The following USP28 variants were observed in gnomAD, a reference collection of about 807,000 sequenced individuals.
USP28 encodes ubiquitin specific peptidase 28.
Under a neutral mutation model 145.0 loss-of-function variants are expected in USP28, and 113 were observed. The observed-to-expected ratio is 0.78, with a 90% CI of 0.67 to 0.91. The LOEUF is 0.91. USP28 is among the 40% of genes least tolerant of loss of function. The pLI is 0.00. For missense variants in USP28, 1,201 were observed against 1,289.6 expected, an observed-to-expected ratio of 0.93 and a Z score of 1.05; for synonymous variants, 447 against 450.9, an observed-to-expected ratio of 0.99 and a Z score of 0.11.
intron 2 of USP28, among the ~76,000 whole-genome samples, chr11:113,853,892 A>AAT (rs397805789): frequency 6.7e-6 from 1 of 149,018 alleles, no homozygotes; most frequent in African/African-American, 2.5e-5. Flanking sequence ...AAAAAAAAAA[A>AAT]GTATATATAT....
chr11:113,799,587 C>A (rs1178027747), intron 24 of USP28, among the ~76,000 whole-genome samples, 172 bp from the exon 26 acceptor site: 1 of 152,064 alleles, frequency 6.6e-6, no homozygotes, highest in East Asian at 1.9e-4. Flanking sequence ...GCAAATAAAC[C>A]AAACTTTAGC....
intron 12 of USP28, among the ~76,000 whole-genome samples, chr11:113,819,739 G>A (rs867727546): frequency 2.6e-5 from 4 of 152,206 alleles, no homozygotes; most frequent in Middle Eastern, 6.8e-3. Context: ...TTATTTATGA[G>A]ACAGAGTTTT....
At chr11:113,850,537 T>A (rs1946342048) in intron 3 of USP28, among the ~76,000 whole-genome samples, 1 of 152,126 alleles carries the variant, frequency 6.6e-6, no homozygotes, top group Admixed American at 6.6e-5. Context: ...AGCAGCATCA[T>A]CCAGAATAGC....
chr11:113,817,607 A>G, intron 13 of USP28, 51 bp downstream of exon 13: 1 of 1,585,326 alleles, frequency 6.3e-7, no homozygotes. Flanking sequence ...CATAGTTTAA[A>G]TTATACCAGA....
At chr11:113,807,642 T>A (rs1240370526) in intron 18 of USP28, among the ~76,000 whole-genome samples, 2 of 152,156 alleles carry the variant, frequency 1.3e-5, no homozygotes, top group African/African-American at 4.8e-5. Context: ...TATTTTAAAT[T>A]AGAAGGCAAT....
intron 1 of USP28, among the ~76,000 whole-genome samples, chr11:113,859,723 A>G (rs2136747893): frequency 6.6e-6 from 1 of 152,290 alleles, no homozygotes; most frequent in Admixed American, 6.5e-5. Context: ...ACTTCACTCT[A>G]CCTTGCTATA....
intron 11 of USP28, among the ~76,000 whole-genome samples, chr11:113,825,609 G>T (rs1943195981): frequency 6.6e-6 from 1 of 152,046 alleles, no homozygotes; most frequent in African/African-American, 2.4e-5. Flanking sequence ...ATGGTGAATG[G>T]CAAAAAATCA....
intron 11 of USP28, among the ~76,000 whole-genome samples, chr11:113,826,860 G>A (rs1039701391): frequency 3.3e-5 from 5 of 151,150 alleles, no homozygotes; most frequent in Non-Finnish European, 4.4e-5. Flanking sequence ...CAGATGTTTC[G>A]GTGAGCCGAG....
At chr11:113,806,786 T>G (rs1940054255) in intron 18 of USP28, among the ~76,000 whole-genome samples, 3 of 152,204 alleles carry the variant, frequency 2.0e-5, no homozygotes, top group Non-Finnish European at 2.9e-5. Flanking sequence ...GTCAACACCC[T>G]GCCCAAGACA....
chr11:113,804,197 T>A (rs1296858369), intron 21 of USP28, among the ~76,000 whole-genome samples: 1 of 152,236 alleles, frequency 6.6e-6, no homozygotes, highest in Non-Finnish European at 1.5e-5. Flanking sequence ...TCTTTAGGAC[T>A]GGTAAAACCA....
At chr11:113,860,732 T>C (rs1591468999) in intron 1 of USP28, among the ~76,000 whole-genome samples, 1 of 144,078 alleles carries the variant, frequency 6.9e-6, no homozygotes. Context: ...GGCAGAGGAA[T>C]TGCTTGAACC....
rs2513568 is a variant in USP28, at chr11:113,824,485, T to C, written c.1188-785A>G. Reference sequence around the variant, plus strand: ...GGTGCCCATCACCAAGTCTGATTAATTTTTGTATTTTTTAGTAGAGATGGG... The same window carrying C: ...GGTGCCCATCACCAAGTCTGATTAACTTTTGTATTTTTTAGTAGAGATGGG... On this transcript the variant is annotated intron_variant, in intron 11 of 24. Coordinates refer to ENST00000003302, the Ensembl canonical transcript of USP28. Among the ~76,000 whole-genome samples, 365 of 151,896 alleles carry C rather than the reference T, an allele frequency of 2.4e-3. 5 individuals are homozygous for C. Among genetic ancestry groups the C allele is most frequent in the Non-Finnish European group, 3.1e-3 (214 of 67,944 alleles).
At chr11:113,874,845 T>C (rs907351370) in intron 1 of USP28, 1 of 1,014,976 alleles carries the variant, frequency 9.9e-7, no homozygotes, top group Non-Finnish European at 1.2e-6. Context: ...GTAGACTTTC[T>C]ATTCATCACG....
chr11:113,801,452 A>G, intron 24 of USP28, 31 bp downstream of exon 25: 1 of 1,485,090 alleles, frequency 6.7e-7, no homozygotes, highest in Non-Finnish European at 9.1e-7. Flanking sequence ...AATTCTCAAA[A>G]CCTCAGAATA....
chr11:113,862,277 G>GC (rs2136868836), intron 1 of USP28, among the ~76,000 whole-genome samples: 1 of 152,326 alleles, frequency 6.6e-6, no homozygotes, highest in South Asian at 2.1e-4. Context: ...AACCCAGGAG[G>GC]CGGAGGTTGC....
Position 113,854,350 on chromosome 11 carries a change from CA to C in USP28, c.58-16del. 3 of 1,605,834 alleles carry C rather than the reference CA, an allele frequency of 1.9e-6. No individual in the cohort carries two copies. Among genetic ancestry groups the C allele is most frequent in the South Asian group, 1.1e-5 (1 of 90,114 alleles). On this transcript the variant is annotated splice_polypyrimidine_tract_variant and intron_variant, in intron 1 of 24. Coordinates refer to ENST00000003302, the Ensembl canonical transcript of USP28. ...ATTTGGCAGCTCTATATTTGCAAAA[CA>C]AAAAAACCACAAACATGTCAGTCAG...
exon 9 of USP28, chr11:113,830,915 T>C (rs775753178): frequency 8.1e-6 from 13 of 1,613,948 alleles, no homozygotes; most frequent in Admixed American, 3.3e-5. Context: ...AGCTGCACCA[T>C]TGGATTTTCA....
At chr11:113,801,572 A>T in exon 24 of USP28, 1 of 1,610,826 alleles carries the variant, frequency 6.2e-7, no homozygotes, top group Non-Finnish European at 8.5e-7. Context: ...ATTATTAATG[A>T]TAAGGTGAAT....
rs1938686872 is a variant in USP28, at chr11:113,800,088, C to A, written c.3059-673G>T. On this transcript the variant is annotated intron_variant, in intron 24 of 24. Coordinates refer to ENST00000003302, the Ensembl canonical transcript of USP28. ...TGGCGCCATCTTTGCTCACTGCAAGCTCCGCCTCCCGGGTTCACGCCATTC... is the reference window on the plus strand; with the variant it reads ...TGGCGCCATCTTTGCTCACTGCAAGATCCGCCTCCCGGGTTCACGCCATTC... Among the ~76,000 whole-genome samples, 3 of 151,904 alleles carry A rather than the reference C, an allele frequency of 2.0e-5. No homozygotes were observed. In the South Asian group the frequency reaches 6.2e-4, roughly 32 times the overall value.
Sources: gnomAD v4.1 joint callset for allele counts (sites outside exome capture counted in the v4.1 genomes callset) on GRCh38, gnomAD v4.1.1 for gene constraint, MANE v1.5 for transcripts, NCBI Gene and HGNC (gene_info 2026-07-23, HGNC 2026-07-21) for gene names.